Variants in NRG1 observed in about 807,000 individuals in gnomAD.
The protein encoded by NRG1 is pro-neuregulin-1, membrane-bound isoform.
Under a neutral mutation model 63.8 loss-of-function variants are expected in NRG1, and 18 were observed. That is an observed-to-expected ratio of 0.28 (90% CI 0.19 to 0.42). The LOEUF (loss-of-function observed/expected upper bound fraction) is 0.42, where lower values mean the gene tolerates loss of function less well. NRG1 is among the 10% of genes least tolerant of loss of function. The pLI is 1.00. For missense variants in NRG1, 762 were observed against 814.7 expected, an observed-to-expected ratio of 0.94 and a Z score of 0.79; for synonymous variants, 302 against 301.3, an observed-to-expected ratio of 1.00 and a Z score of -0.02.
chr8:32,558,043 C>G (rs1835524811), intron 1 of NRG1, among the ~76,000 whole-genome samples: 1 of 152,072 alleles, frequency 6.6e-6, no homozygotes, highest in Admixed American at 6.6e-5. Context: ...ATCATTTATG[C>G]CCCATCCAAA....
chr8:31,837,845 G>T (rs1825827869), intron 1 of NRG1, among the ~76,000 whole-genome samples: 1 of 152,020 alleles, frequency 6.6e-6, no homozygotes, highest in African/African-American at 2.4e-5. Flanking sequence ...GTATTCCATT[G>T]TGTATATGTA....
At chr8:32,390,009 C>T (rs1256901918) in intron 1 of NRG1, among the ~76,000 whole-genome samples, 3 of 152,292 alleles carry the variant, frequency 2.0e-5, no homozygotes, top group African/African-American at 7.2e-5. Context: ...ATCTGTCCAC[C>T]TTGGCCTCCC....
At chr8:32,770,985 C>A (rs527371305), downstream of NRG1, among the ~76,000 whole-genome samples, 1 of 152,162 alleles carries the variant, frequency 6.6e-6, no homozygotes, top group Admixed American at 6.6e-5. Flanking sequence ...ATCAAATAAA[C>A]TTTATGTTAT....
At chr8:32,019,136 T>C (rs1381418384) in intron 1 of NRG1, among the ~76,000 whole-genome samples, 1 of 152,216 alleles carries the variant, frequency 6.6e-6, no homozygotes, top group Non-Finnish European at 1.5e-5. Flanking sequence ...TCTCACTCTA[T>C]AACCCAGGCT....
In NRG1 at chr8:32,016,780, A is replaced by C. The variant is rs1052729159; in HGVS notation, c.37+377349A>C. Reference sequence around the variant, plus strand: ...CGATTCTATGAATAGAAAACATGAAAAAAAATTTAAGCGAGGATTTGGGAG... The same window carrying C: ...CGATTCTATGAATAGAAAACATGAACAAAAATTTAAGCGAGGATTTGGGAG... On this transcript the variant is annotated intron_variant, in intron 1 of 10. Transcript: ENST00000519301. Among the ~76,000 whole-genome samples the C allele has an allele frequency of 2.6e-5, 4 of 152,332 alleles. No homozygotes were observed. The South Asian group carries it at 8.3e-4, about 32-fold the overall frequency.
chr8:32,351,336 A>G (rs1805575785), intron 1 of NRG1, among the ~76,000 whole-genome samples: 1 of 152,176 alleles, frequency 6.6e-6, no homozygotes, highest in Non-Finnish European at 1.5e-5. Context: ...GTTTCAAATG[A>G]TCCATAAACC....
chr8:31,813,245 A>G (rs1240766524), intron 1 of NRG1, among the ~76,000 whole-genome samples: 1 of 152,162 alleles, frequency 6.6e-6, no homozygotes, highest in Admixed American at 6.5e-5. Context: ...AGTATGGAAC[A>G]CTTTTTACTT....
intron 5 of NRG1, among the ~76,000 whole-genome samples, chr8:32,620,417 CAG>C (rs754318687): frequency 2.6e-4 from 39 of 150,414 alleles, no homozygotes; most frequent in Non-Finnish European, 4.7e-4. Flanking sequence ...CAGTGTAAGA[CAG>C]GGGAGGCTTT....
chr8:32,672,460 C>T (rs547188032), intron 5 of NRG1, among the ~76,000 whole-genome samples: 3 of 152,234 alleles, frequency 2.0e-5, no homozygotes, highest in Admixed American at 6.5e-5. Flanking sequence ...AATAGTGGCA[C>T]CTCTGGAACT....
chr8:31,938,660 G>A (rs572810817), intron 1 of NRG1, among the ~76,000 whole-genome samples: 3 of 152,234 alleles, frequency 2.0e-5, no homozygotes, highest in African/African-American at 7.2e-5. Context: ...AGTTGAAAAC[G>A]TGATACAGGA....
chr8:31,785,733 T>G (rs1820109571), intron 1 of NRG1, among the ~76,000 whole-genome samples: 1 of 152,226 alleles, frequency 6.6e-6, no homozygotes, highest in South Asian at 2.1e-4. Flanking sequence ...TTCTTTAATC[T>G]AACTTAAACA....
chr8:32,121,054 G>C (rs980826942), intron 1 of NRG1, among the ~76,000 whole-genome samples: 1 of 152,002 alleles, frequency 6.6e-6, no homozygotes, highest in Admixed American at 6.6e-5. Context: ...TATCACAGAA[G>C]GGATGCAGTG....
intron 1 of NRG1, among the ~76,000 whole-genome samples, chr8:32,513,810 T>G (rs913593223): frequency 6.6e-6 from 1 of 152,164 alleles, no homozygotes; most frequent in African/African-American, 2.4e-5. Flanking sequence ...CCAAGTCAAA[T>G]TTTATGTTTA....
chr8:32,686,436 G>A (rs1196385808), intron 5 of NRG1, among the ~76,000 whole-genome samples: 4 of 152,194 alleles, frequency 2.6e-5, no homozygotes, highest in Non-Finnish European at 5.9e-5. Context: ...ACAGCTAAAT[G>A]AGATCTTTGG....
chr8:32,088,287 G>A (rs573287811), intron 1 of NRG1, among the ~76,000 whole-genome samples: 80 of 152,220 alleles, frequency 5.3e-4, no homozygotes, highest in Non-Finnish European at 5.1e-4. Flanking sequence ...ATAATTTAAC[G>A]AAAATTCAAC....
chr8:31,678,704 TATTA>T (rs1414885958), intron 1 of NRG1, among the ~76,000 whole-genome samples: 2 of 148,774 alleles, frequency 1.3e-5, no homozygotes, highest in African/African-American at 2.4e-5. Flanking sequence ...TGTTATAGCA[TATTA>T]ATTTATTAAA....
At chr8:32,128,668 T>A (rs371536237) in intron 1 of NRG1, among the ~76,000 whole-genome samples, 1 of 151,968 alleles carries the variant, frequency 6.6e-6, no homozygotes, top group Non-Finnish European at 1.5e-5. Context: ...CAATCCATTT[T>A]CCACACTGCA....
At chr8:31,750,655 G>A (rs1299507272) in intron 1 of NRG1, among the ~76,000 whole-genome samples, 1 of 151,844 alleles carries the variant, frequency 6.6e-6, no homozygotes, top group Non-Finnish European at 1.5e-5. Context: ...AGCATGAGTT[G>A]CTATATAAAT....
intron 1 of NRG1, among the ~76,000 whole-genome samples, chr8:32,469,958 A>G (rs1233133892): frequency 6.9e-6 from 1 of 145,220 alleles, no homozygotes; most frequent in Non-Finnish European, 1.5e-5. Flanking sequence ...CCCTGGTTCA[A>G]GCGATTCTCC....
Sources: allele counts gnomAD v4.1 joint callset (sites outside exome capture counted in the v4.1 genomes callset), GRCh38; gene constraint gnomAD v4.1.1; transcripts MANE v1.5; gene names NCBI Gene and HGNC (gene_info 2026-07-23, HGNC 2026-07-21).